The following ANKFN1 variants were observed in gnomAD, a reference collection of about 807,000 sequenced individuals.
ANKFN1 encodes ankyrin repeat and fibronectin type III domain containing 1.
A neutral mutation model predicts 108.7 loss-of-function variants in ANKFN1; 74 were observed. The ratio of observed to expected loss-of-function variants is 0.68; its 90% CI spans 0.56 to 0.83. The LOEUF (loss-of-function observed/expected upper bound fraction) is 0.83. ANKFN1 is among the 40% of genes least tolerant of loss of function. The probability of loss-of-function intolerance (pLI) is 0.00; values close to 1 mark genes in which losing one functional copy is unlikely to be tolerated. For synonymous variants in ANKFN1, 547 were observed against 516.2 expected, an observed-to-expected ratio of 1.06 and a Z score of -0.81; for missense variants, 1,505 against 1,382.3, an observed-to-expected ratio of 1.09 and a Z score of -1.41.
At chr17:56,061,142 T>A (rs1029593946) in intron 4 of ANKFN1, among the ~76,000 whole-genome samples, 8 of 152,160 alleles carry the variant, frequency 5.3e-5, no homozygotes. Flanking sequence ...GGATTCAACT[T>A]CTTCCTGGTT....
At chr17:56,350,720 T>A in intron 4 of ANKFN1, 46 bp from the exon 5 acceptor site, 1 of 1,528,502 alleles carries the variant, frequency 6.5e-7, no homozygotes, top group Middle Eastern at 1.7e-4. Context: ...TGTCAACTTA[T>A]AATTTGTGGT....
chr17:56,497,711 A>T (rs1477895645), intron 19 of ANKFN1, among the ~76,000 whole-genome samples: 2 of 152,150 alleles, frequency 1.3e-5, no homozygotes, highest in Non-Finnish European at 2.9e-5. Flanking sequence ...AGGTAATACC[A>T]AATTTCCAAA....
intron 5 of ANKFN1, among the ~76,000 whole-genome samples, chr17:56,353,261 C>T (rs147444228): frequency 0.023 from 3,356 of 148,240 alleles, 57 homozygotes; most frequent in Non-Finnish European, 0.034. Context: ...TTTTTAAGAG[C>T]GTCTCTCTCC....
chr17:56,236,169 T>A (rs565755053), intron 3 of ANKFN1, among the ~76,000 whole-genome samples: 12 of 152,204 alleles, frequency 7.9e-5, no homozygotes, highest in African/African-American at 2.4e-4. Flanking sequence ...GCGATTCTTC[T>A]GCCCCAGCCT....
At chr17:56,222,661 A>G (rs1162587997) in intron 2 of ANKFN1, among the ~76,000 whole-genome samples, 2 of 152,232 alleles carry the variant, frequency 1.3e-5, no homozygotes, top group African/African-American at 4.8e-5. Context: ...GGTATCTTGA[A>G]GTTCAGGTGG....
intron 3 of ANKFN1, among the ~76,000 whole-genome samples, chr17:56,266,145 G>A (rs780285460): frequency 3.9e-5 from 6 of 152,158 alleles, no homozygotes; most frequent in Non-Finnish European, 8.8e-5. Flanking sequence ...GGGCATTGGA[G>A]ATATCTTCCA....
chr17:56,261,204 T>C (rs147320268), intron 3 of ANKFN1, among the ~76,000 whole-genome samples: 1 of 152,338 alleles, frequency 6.6e-6, no homozygotes, highest in African/African-American at 2.4e-5. Context: ...TTGAACAATA[T>C]TGTCTACACA....
At chr17:56,336,365 G>A (rs1212784931) in intron 4 of ANKFN1, among the ~76,000 whole-genome samples, 1 of 152,108 alleles carries the variant, frequency 6.6e-6, no homozygotes, top group Non-Finnish European at 1.5e-5. Context: ...TTTTTGGTTG[G>A]TAGGCTATTG....
intron 4 of ANKFN1, among the ~76,000 whole-genome samples, chr17:56,350,553 T>A (rs1373121825): frequency 6.6e-6 from 1 of 152,142 alleles, no homozygotes; most frequent in Non-Finnish European, 1.5e-5. Context: ...CTGCCACCAA[T>A]TAGCTCTGTG....
chr17:56,316,916 T>G (rs913309879), intron 3 of ANKFN1, among the ~76,000 whole-genome samples: 2 of 152,192 alleles, frequency 1.3e-5, no homozygotes, highest in Non-Finnish European at 2.9e-5. Context: ...GAGAATAGAA[T>G]TCTATTAATG....
At chr17:56,378,808 G>C (rs755269290) in intron 8 of ANKFN1, among the ~76,000 whole-genome samples, 2 of 152,048 alleles carry the variant, frequency 1.3e-5, no homozygotes, top group African/African-American at 2.4e-5. Context: ...GTGTGATGGG[G>C]AAAAATAACA....
chr17:56,425,400 T>G (rs893595160), intron 8 of ANKFN1, among the ~76,000 whole-genome samples: 23 of 152,228 alleles, frequency 1.5e-4, no homozygotes, highest in African/African-American at 4.3e-4. Context: ...GCATTGACTC[T>G]CTCCAATTTT....
intron 1 of ANKFN1, among the ~76,000 whole-genome samples, chr17:56,198,447 G>C (rs1913721593): frequency 6.6e-6 from 1 of 152,058 alleles, no homozygotes; most frequent in South Asian, 2.1e-4. Flanking sequence ...GTGATGGGGA[G>C]TGACTATAAA....
At chr17:56,399,963 A>AT (rs1473492280) in intron 8 of ANKFN1, among the ~76,000 whole-genome samples, 1 of 148,712 alleles carries the variant, frequency 6.7e-6, no homozygotes, top group Non-Finnish European at 1.5e-5. Context: ...ATATATCACA[A>AT]TTTTTTTAAT....
intron 1 of ANKFN1, among the ~76,000 whole-genome samples, chr17:56,161,193 T>C (rs190056657): frequency 6.6e-6 from 1 of 152,362 alleles, no homozygotes; most frequent in East Asian, 1.9e-4. Context: ...AATGAGATTA[T>C]GCATTAAATT....
intron 8 of ANKFN1, among the ~76,000 whole-genome samples, chr17:56,430,230 C>A (rs577404134): frequency 9.9e-5 from 15 of 152,118 alleles, no homozygotes; most frequent in African/African-American, 3.4e-4. Context: ...TACAGATGAA[C>A]CTGGAGGGTA....
chr17:56,431,475 G>T (rs1282970986), intron 8 of ANKFN1, among the ~76,000 whole-genome samples: 1 of 152,044 alleles, frequency 6.6e-6, no homozygotes, highest in Non-Finnish European at 1.5e-5. Flanking sequence ...CTATTTTGTG[G>T]CTCCCAGGGA....
chr17:56,140,911 C>T (rs1447874392), intron 4 of ANKFN1, among the ~76,000 whole-genome samples: 1 of 152,188 alleles, frequency 6.6e-6, no homozygotes, highest in Non-Finnish European at 1.5e-5. Flanking sequence ...CTGTTAGCCA[C>T]ACATGGTCTG....
intron 16 of ANKFN1, among the ~76,000 whole-genome samples, chr17:56,478,400 C>G (rs1228301631): frequency 6.6e-6 from 1 of 152,120 alleles, no homozygotes; most frequent in Non-Finnish European, 1.5e-5. Context: ...CAATGATTCC[C>G]CCGATCTTAA....
Sources: gnomAD v4.1 joint callset for allele counts (sites outside exome capture counted in the v4.1 genomes callset) on GRCh38, gnomAD v4.1.1 for gene constraint, MANE v1.5 for transcripts, NCBI Gene and HGNC (gene_info 2026-07-23, HGNC 2026-07-21) for gene names.